The following KIAA0753 variants were observed in gnomAD, a reference collection of about 807,000 sequenced individuals.
KIAA0753 encodes protein moonraker.
In KIAA0753, 114 loss-of-function variants were observed where a neutral mutation model predicts 116.9. That is an observed-to-expected ratio of 0.98 (90% CI 0.84 to 1.14). KIAA0753 has a LOEUF of 1.14. Among genes scored for constraint, KIAA0753 ranks in the 50% most tolerant of loss-of-function variants. KIAA0753 has a pLI of 0.00. For missense variants in KIAA0753, 1,156 were observed against 1,172.4 expected, an observed-to-expected ratio of 0.99 and a Z score of 0.20; for synonymous variants, 405 against 413.1, an observed-to-expected ratio of 0.98 and a Z score of 0.24.
chr17:6,611,276 A>T (rs774208152), intron 8 of KIAA0753, among the ~76,000 whole-genome samples: 2 of 152,096 alleles, frequency 1.3e-5, no homozygotes, highest in Admixed American at 6.5e-5. Flanking sequence ...ATTATTATTG[A>T]TCGATATTTA....
At position 6,599,270 on chromosome 17, in the gene KIAA0753, T is replaced by C. The variant is rs772365838; in HGVS notation, c.2139A>G (p.Ser713=). 1 of 1,614,024 alleles carries C rather than the reference T, an allele frequency of 6.2e-7. No homozygotes were observed. The highest frequency in any genetic ancestry group is 1.7e-5 in the Admixed American group (1 of 60,030). Residue 713 remains serine (S), a synonymous_variant, in exon 14 of 19, where the codon TCA becomes TCG. Coordinates refer to ENST00000361413, the MANE Select transcript of KIAA0753 (RefSeq NM_014804.3). The stretch of plus-strand genomic sequence containing the variant: ...CAGGCTGGGCTTTCGCTGTGTTTAC[T>C]GACGAGCCATCTTTCAAATGAATAT... ...EANIHLKDGS[S]VNTAKAQPAQ...
intron 2 of KIAA0753, among the ~76,000 whole-genome samples, chr17:6,629,705 G>A (rs890585444): frequency 6.6e-6 from 1 of 152,178 alleles, no homozygotes. Context: ...CGTGACCTTG[G>A]AGATGGCCTC....
chr17:6,606,623 A>C (rs868390184), intron 12 of KIAA0753, among the ~76,000 whole-genome samples: 3 of 152,340 alleles, frequency 2.0e-5, no homozygotes, highest in Non-Finnish European at 2.9e-5. Flanking sequence ...AAACAAATAC[A>C]CATAAGACTC....
intron 13 of KIAA0753, among the ~76,000 whole-genome samples, chr17:6,599,995 T>G (rs1969750510): frequency 6.6e-6 from 1 of 152,112 alleles, no homozygotes; most frequent in African/African-American, 2.4e-5. Flanking sequence ...ACAGAAGCTG[T>G]CCTAACATCT....
chr17:6,580,921 C>CACACAA (rs1968126443), intron 18 of KIAA0753, among the ~76,000 whole-genome samples: 1 of 144,216 alleles, frequency 6.9e-6, no homozygotes, highest in Admixed American at 6.7e-5. Context: ...CACACACACA[C>CACACAA]ACACACACAC....
intron 7 of KIAA0753, 40 bp downstream of exon 7, chr17:6,620,748 T>C (rs1453435751): frequency 1.9e-6 from 3 of 1,578,268 alleles, no homozygotes; most frequent in Non-Finnish European, 1.7e-6. Flanking sequence ...ATAATTGTAA[T>C]GAATAAAATG....
intron 12 of KIAA0753, among the ~76,000 whole-genome samples, chr17:6,605,508 G>C (rs971443837): frequency 2.0e-5 from 3 of 152,142 alleles, no homozygotes; most frequent in African/African-American, 4.8e-5. Context: ...TAGGATCCAG[G>C]CTCTGTTCAA....
chr17:6,603,324 A>C (rs566452116), intron 12 of KIAA0753, among the ~76,000 whole-genome samples: 9 of 152,316 alleles, frequency 5.9e-5, no homozygotes, highest in African/African-American at 2.2e-4. Context: ...AAAGGAAATA[A>C]ATTGCCAGGC....
At chr17:6,626,299 TAA>T (rs890868437) in intron 3 of KIAA0753, among the ~76,000 whole-genome samples, 2 of 152,256 alleles carry the variant, frequency 1.3e-5, no homozygotes, top group Non-Finnish European at 2.9e-5. Flanking sequence ...CTTCAATTAG[TAA>T]AAGTGTATTT....
At chr17:6,616,462 T>C (rs913782373) in intron 7 of KIAA0753, among the ~76,000 whole-genome samples, 11 of 152,182 alleles carry the variant, frequency 7.2e-5, no homozygotes, top group African/African-American at 1.7e-4. Flanking sequence ...AATTAGATAA[T>C]TTGCCACTTA....
At position 6,610,015 on chromosome 17, in the gene KIAA0753, G is replaced by A; in HGVS notation, c.1691C>T (p.Ser564Phe). 1 of 1,614,084 alleles carries A rather than the reference G, an allele frequency of 6.2e-7. No individual in the cohort carries two copies. The highest frequency in any genetic ancestry group is 8.5e-7 in the Non-Finnish European group (1 of 1,179,938). ...ATACCATTTAGGAGACGCTGGTGGGGATGTGGGGTTTGGGGGTATCCATGG... is the reference window on the plus strand; with the variant it reads ...ATACCATTTAGGAGACGCTGGTGGGAATGTGGGGTTTGGGGGTATCCATGG... ...KAPWIPPNPT[S>F]PPASPKCAAW... The change falls in exon 9 of 19, where the codon TCC (serine) becomes TTC (phenylalanine). Residue 564 changes from serine to phenylalanine, a missense_variant. Physicochemically the swap from Ser to Phe is radical, Grantham distance 155 (BLOSUM62 -2). Transcript: ENST00000361413.
chr17:6,636,481 G>C (rs77406265), intron 1 of KIAA0753: 4,238 of 152,218 alleles, frequency 0.028, 134 homozygotes, highest in South Asian at 0.13. Flanking sequence ...CACAGTTCCA[G>C]CATGCCTCAA....
chr17:6,605,987 C>A (rs909905507), intron 12 of KIAA0753, among the ~76,000 whole-genome samples: 1 of 152,166 alleles, frequency 6.6e-6, no homozygotes, highest in African/African-American at 2.4e-5. Context: ...AACTTCAACA[C>A]AGCCTGAGGT....
chr17:6,597,620 T>C (rs1969573886), intron 14 of KIAA0753, among the ~76,000 whole-genome samples: 1 of 152,224 alleles, frequency 6.6e-6, no homozygotes, highest in African/African-American at 2.4e-5. Context: ...AACTCATACA[T>C]TTTGGAAAAA....
At chr17:6,636,271 T>C (rs549154342) in intron 1 of KIAA0753, 2 of 152,100 alleles carry the variant, frequency 1.3e-5, no homozygotes, top group South Asian at 2.1e-4. Flanking sequence ...AAAAAGCAGA[T>C]GGGAGGAGGC....
intron 18 of KIAA0753, among the ~76,000 whole-genome samples, chr17:6,583,165 A>G (rs1283024826): frequency 2.6e-5 from 4 of 152,166 alleles, no homozygotes; most frequent in Non-Finnish European, 1.5e-5. Context: ...CTTTTGATGT[A>G]TCTTTCACTG....
chr17:6,614,965 A>C (rs900564899), intron 7 of KIAA0753, among the ~76,000 whole-genome samples: 1 of 152,018 alleles, frequency 6.6e-6, no homozygotes, highest in Admixed American at 6.5e-5. Flanking sequence ...CGCCCAGCTA[A>C]TTTTTGTATT....
chr17:6,635,215 G>A, intron 1 of KIAA0753, 44 bp from the exon 2 acceptor site: 1 of 772,228 alleles, frequency 1.3e-6, no homozygotes, highest in Non-Finnish European at 2.3e-6. Flanking sequence ...CGTTGAACAA[G>A]GGAAAAGAAC....
chr17:6,583,178 C>CTTA (rs971472374), intron 18 of KIAA0753, among the ~76,000 whole-genome samples: 61 of 152,156 alleles, frequency 4.0e-4, no homozygotes, highest in African/African-American at 1.5e-3. Flanking sequence ...TTTCACTGGG[C>CTTA]TTAGAACTCC....
Sources: allele counts gnomAD v4.1 joint callset (sites outside exome capture counted in the v4.1 genomes callset), GRCh38; gene constraint gnomAD v4.1.1; transcripts MANE v1.5; gene names NCBI Gene and HGNC (gene_info 2026-07-23, HGNC 2026-07-21).